Variants in RASA3 observed in about 807,000 individuals in gnomAD.
RASA3 encodes ras GTPase-activating protein 3.
In RASA3, 73 loss-of-function variants were observed where a neutral mutation model predicts 110.0. The observed-to-expected ratio is 0.66, with a 90% CI of 0.55 to 0.81. The LOEUF is 0.81. Ranked by LOEUF, RASA3 falls within the 30% of genes least tolerant of loss-of-function variation. RASA3 has a pLI of 0.00. For synonymous variants in RASA3, 500 were observed against 451.4 expected (o/e 1.11, Z -1.37); for missense variants, 976 against 1,113.2 (o/e 0.88, Z 1.75).
intron 1 of RASA3, among the ~76,000 whole-genome samples, chr13:114,099,553 A>T (rs1051591169): frequency 6.6e-6 from 1 of 150,406 alleles, no homozygotes; most frequent in Non-Finnish European, 1.5e-5. Flanking sequence ...CCTGCCTGGG[A>T]CCTAAGTACG....
intron 2 of RASA3, among the ~76,000 whole-genome samples, chr13:114,068,339 T>C (rs2079491341): frequency 1.3e-5 from 2 of 152,164 alleles, no homozygotes; most frequent in Non-Finnish European, 2.9e-5. Flanking sequence ...ACTGTCTGCG[T>C]GGATGAGGGT....
At chr13:114,117,117 T>A (rs1279693715) in intron 1 of RASA3, among the ~76,000 whole-genome samples, 1 of 121,164 alleles carries the variant, frequency 8.3e-6, no homozygotes, top group Admixed American at 8.8e-5. Context: ...AGAGCACGTG[T>A]GTGAGGGATG....
intron 1 of RASA3, among the ~76,000 whole-genome samples, chr13:114,109,199 G>T (rs1320469): frequency 0.035 from 5,286 of 152,294 alleles, 273 homozygotes; most frequent in Admixed American, 0.11. Context: ...ACGTTCAGGT[G>T]GCTTCATTTT....
chr13:114,013,329 G>A (rs1013568304), intron 14 of RASA3, 81 bp from the exon 15 acceptor site: 17 of 1,018,462 alleles, frequency 1.7e-5, no homozygotes, highest in Non-Finnish European at 2.4e-5. Flanking sequence ...CCCCCTGAGG[G>A]TCCGCAGGGA....
chr13:114,099,137 C>T (rs1312096101), intron 1 of RASA3, among the ~76,000 whole-genome samples: 70 of 105,750 alleles, frequency 6.6e-4, no homozygotes, highest in South Asian at 1.7e-3. Flanking sequence ...CCACAGCAGT[C>T]GGGGCCCGGC....
Position 114,052,178 on chromosome 13 carries a change from C to T in RASA3, c.174-23G>A, listed in dbSNP as rs548617146. 6 of 1,548,902 alleles carry T rather than the reference C, an allele frequency of 3.9e-6. No homozygotes were observed. The South Asian group carries it at 6.7e-5, about 17-fold the overall frequency. On this transcript the variant is annotated intron_variant, in intron 2 of 23. Transcript: ENST00000334062. ...GGGCTAGTGAGACAAAGAAAAGCGC[C>T]AGTTAGAACACAGGCCACGCTTGCG...
At chr13:114,013,585 TCTCTCTCTCCGTCTCTGGCTCTCTCC>T (rs1403394963) in intron 14 of RASA3, among the ~76,000 whole-genome samples, 3 of 85,856 alleles carry the variant, frequency 3.5e-5, no homozygotes, top group African/African-American at 1.3e-4. Flanking sequence ...TGTCTCTCTC[TCTCTCTCTCCGTCTCTGGCTCTCTCC>T]CCCCCTCCAT....
At chr13:114,013,326 A>C in intron 14 of RASA3, 78 bp from the exon 15 acceptor site, 1 of 1,016,544 alleles carries the variant, frequency 9.8e-7, no homozygotes, top group Non-Finnish European at 1.5e-6. Context: ...CGGCCCCCTG[A>C]GGGTCCGCAG....
At chr13:114,025,935 T>C (rs999590944) in intron 7 of RASA3, among the ~76,000 whole-genome samples, 1 of 152,074 alleles carries the variant, frequency 6.6e-6, no homozygotes, top group Non-Finnish European at 1.5e-5. Flanking sequence ...AGAGGTCTGC[T>C]AAGGAAGGGG....
chr13:114,127,085 T>C (rs972895588), intron 1 of RASA3, among the ~76,000 whole-genome samples: 2 of 152,228 alleles, frequency 1.3e-5, no homozygotes, highest in Non-Finnish European at 2.9e-5. Context: ...CACACACGTC[T>C]ATGTTTAAAA....
intron 14 of RASA3, among the ~76,000 whole-genome samples, chr13:114,013,884 GTCTC>G (rs68138759): frequency 0.62 from 63,087 of 101,200 alleles, 20,344 homozygotes; most frequent in African/African-American, 0.83. Flanking sequence ...CCCTATCTCT[GTCTC>G]TCTCTTTTTC....
At chr13:114,111,024 A>ATGGCACAAACGAGCTGCAGG (rs2080211128) in intron 1 of RASA3, among the ~76,000 whole-genome samples, 1 of 152,156 alleles carries the variant, frequency 6.6e-6, no homozygotes, top group Non-Finnish European at 1.5e-5. Context: ...GCAACATGGA[A>ATGGCACAAACGAGCTGCAGG]CGGCACAAAC....
intron 1 of RASA3, among the ~76,000 whole-genome samples, chr13:114,103,524 C>CGAT (rs2080086328): frequency 6.7e-6 from 1 of 149,620 alleles, no homozygotes; most frequent in African/African-American, 2.5e-5. Context: ...CCACCACCCC[C>CGAT]GATGCGTCCA....
intron 1 of RASA3, among the ~76,000 whole-genome samples, chr13:114,130,138 C>T (rs974858011): frequency 3.7e-4 from 57 of 152,346 alleles, no homozygotes; most frequent in African/African-American, 1.3e-3. Flanking sequence ...CCCAAACCAG[C>T]GCACCCACAG....
chr13:114,019,637 A>G (rs1353217973), intron 9 of RASA3, among the ~76,000 whole-genome samples: 23 of 126,638 alleles, frequency 1.8e-4, no homozygotes, highest in South Asian at 5.6e-4. Flanking sequence ...CCTGTCAGGT[A>G]GGTGGAGCCT....
At chr13:114,118,188 G>T (rs1044150779) in intron 1 of RASA3, among the ~76,000 whole-genome samples, 3 of 152,054 alleles carry the variant, frequency 2.0e-5, no homozygotes, top group Non-Finnish European at 4.4e-5. Context: ...AACTTGGAAG[G>T]CACAGCCAAT....
rs569669232 is a variant in RASA3 at position 114,059,467 on chromosome 13, G to A, written c.174-7312C>T. ...ACCCAGGAGGCACAGGTGCCCACACGGGCCTTGCCGGGGGAAGCACGACTT... is the reference window on the plus strand; with the variant it reads ...ACCCAGGAGGCACAGGTGCCCACACAGGCCTTGCCGGGGGAAGCACGACTT... On this transcript the variant is annotated intron_variant, in intron 2 of 23. Coordinates refer to ENST00000334062, the MANE Select transcript of RASA3 (RefSeq NM_007368.4). Among the ~76,000 whole-genome samples, 10 of 152,392 alleles carry A rather than the reference G, an allele frequency of 6.6e-5. No homozygotes were observed. The East Asian group carries it at 1.7e-3, about 26-fold the overall frequency.
chr13:114,026,334 C>T (rs2054025297), intron 7 of RASA3, among the ~76,000 whole-genome samples: 1 of 152,146 alleles, frequency 6.6e-6, no homozygotes, highest in South Asian at 2.1e-4. Context: ...ACAGGGCCCA[C>T]CCTCCCCCTG....
chr13:113,991,576 A>G (rs1380201206), intron 22 of RASA3, among the ~76,000 whole-genome samples: 6 of 152,126 alleles, frequency 3.9e-5, no homozygotes, highest in Admixed American at 3.9e-4. Flanking sequence ...CAGACCTCAA[A>G]CCACTGTCCC....
Sources: allele counts gnomAD v4.1 joint callset (sites outside exome capture counted in the v4.1 genomes callset), GRCh38; gene constraint gnomAD v4.1.1; transcripts MANE v1.5; gene names NCBI Gene and HGNC (gene_info 2026-07-23, HGNC 2026-07-21).